Variants in TCP11 observed in about 807,000 individuals in gnomAD.
TCP11 encodes the protein t-complex 11.
TCP11 carries 34 observed loss-of-function variants against 45.0 expected under a neutral mutation model. The observed-to-expected ratio is 0.76, with a 90% CI of 0.57 to 1.01. The LOEUF is 1.01. Among genes scored for constraint, TCP11 ranks in the 50% least tolerant of loss-of-function variants. The probability of loss-of-function intolerance (pLI) is 0.00; values close to 1 mark genes in which losing one functional copy is unlikely to be tolerated. For synonymous variants in TCP11, 227 were observed against 227.0 expected, an observed-to-expected ratio of 1.00 and a Z score of 0.00; for missense variants, 523 against 598.1, an observed-to-expected ratio of 0.87 and a Z score of 1.31.
At chr6:35,123,632 GT>G (rs1306789537) in intron 4 of TCP11, among the ~76,000 whole-genome samples, 1 of 146,892 alleles carries the variant, frequency 6.8e-6, no homozygotes, top group Admixed American at 6.9e-5. Flanking sequence ...ATGTCACCAT[GT>G]CCAGCTTAGT....
At chr6:35,127,660 A>T (rs966986800) in intron 4 of TCP11, among the ~76,000 whole-genome samples, 1 of 152,238 alleles carries the variant, frequency 6.6e-6, no homozygotes, top group East Asian at 1.9e-4. Context: ...GTTAGAAGTT[A>T]AATTTTATGA....
Position 35,119,331 on chromosome 6 carries a change from G to C in TCP11, c.1176C>G (p.Leu392=), listed in dbSNP as rs1276676482. The change falls in exon 9 of 10, where the codon CTC becomes CTG. Residue 392 remains leucine (L), a synonymous_variant. Transcript: ENST00000311875. The part of the protein sequence containing the change: ...EQVSQEIHQS[L]KNMGLVALSS... ...TTAGAGCAACAAGGCCCATATTCTT[G>C]AGGCTTTGATGGATTTCCTGAGATA... The C allele has an allele frequency of 6.2e-7, 1 of 1,614,180 alleles. No homozygotes were observed.
Position 35,118,499 on chromosome 6 carries a change from G to T in TCP11, c.1282C>A (p.Gln428Lys). The stretch of plus-strand genomic sequence containing the variant: ...CATTTGAGAAACAAATGGATCCGCT[G>T]ATCTGTGAGCAGGAAAAGACACTGA... The part of the protein sequence containing the change: ...KENCVCSVID[Q>K]RIHLFLKCCL... The change falls in exon 10 of 10, where the codon CAG (glutamine) becomes AAG (lysine). Residue 428 changes from glutamine (Q) to lysine (K), a missense_variant and splice_region_variant. Around this residue, in one of 2 missense-constraint regions of TCP11, gnomAD observed 298 missense variants for 387.9 expected, o/e 0.77. Coordinates refer to ENST00000311875, the MANE Select transcript of TCP11 (RefSeq NM_001370687.1). The T allele has an allele frequency of 6.2e-7, 1 of 1,613,270 alleles. No homozygotes were observed. Among genetic ancestry groups the T allele is most frequent in the South Asian group, 1.1e-5 (1 of 90,910 alleles).
At chr6:35,127,692 TAGTC>T (rs1561998813) in intron 4 of TCP11, among the ~76,000 whole-genome samples, 1 of 152,240 alleles carries the variant, frequency 6.6e-6, no homozygotes, top group African/African-American at 2.4e-5. Flanking sequence ...GGTAACACAA[TAGTC>T]AGTGAAACTG....
chr6:35,122,390 A>G, intron 4 of TCP11, 53 bp from the exon 5 acceptor site: 8 of 1,530,886 alleles, frequency 5.2e-6, no homozygotes, highest in Non-Finnish European at 7.2e-6. Context: ...CCCAAACTTT[A>G]TCCAATGGGC....
In TCP11 at chr6:35,119,210, C is replaced by A; in HGVS notation, c.1279+18G>T. On this transcript the variant is annotated intron_variant, in intron 9 of 9. Transcript: ENST00000311875. ...ATCTCTTCCCTCACCATTCTTACTA[C>A]CCCACAAGCATACTCACCAATAACA... is the stretch of plus-strand genomic sequence containing the variant. 2 of 1,613,030 alleles carry A rather than the reference C, an allele frequency of 1.2e-6. No homozygotes were observed. Among genetic ancestry groups the A allele is most frequent in the Non-Finnish European group, 1.7e-6 (2 of 1,179,334 alleles).
Position 35,141,330 on chromosome 6 carries a change from G to C in TCP11, c.-140C>G. ...GCGTCGCACGGTGAGAAAGGCCGGGGCCTGAGAACAAACCGCCGCGGTCGC... is the reference window on the plus strand; with the variant it reads ...GCGTCGCACGGTGAGAAAGGCCGGGCCCTGAGAACAAACCGCCGCGGTCGC... On this transcript the variant is annotated 5_prime_UTR_variant, in exon 1 of 10. Coordinates refer to ENST00000311875, the MANE Select transcript of TCP11 (RefSeq NM_001370687.1). The C allele has an allele frequency of 8.2e-7, 1 of 1,215,762 alleles. No homozygotes were observed. Among genetic ancestry groups the C allele is most frequent in the African/African-American group, 1.6e-5 (1 of 62,860 alleles). The allele number at this position is 1,215,762 out of a possible 1,614,324, so 75.3% of individuals were successfully genotyped here. A position where few individuals can be genotyped will look rare whatever the true frequency, so the allele number is the denominator to read the frequency against.
intron 8 of TCP11, 70 bp from the exon 9 acceptor site, chr6:35,119,461 T>TG: frequency 6.5e-7 from 1 of 1,549,538 alleles, no homozygotes; most frequent in Non-Finnish European, 8.7e-7. Flanking sequence ...CCCAGCATGC[T>TG]GTATACCAGA....
intron 3 of TCP11, among the ~76,000 whole-genome samples, chr6:35,129,872 G>A (rs911863941): frequency 1.4e-4 from 21 of 152,184 alleles, no homozygotes; most frequent in African/African-American, 4.8e-4. Flanking sequence ...CCTCCCACGC[G>A]CAAGCAAATC....
intron 2 of TCP11, among the ~76,000 whole-genome samples, chr6:35,139,213 A>AC (rs991264027): frequency 1.5e-4 from 23 of 151,982 alleles, no homozygotes; most frequent in African/African-American, 5.1e-4. Context: ...AAAAAAAAAA[A>AC]ACCCATCAAC....
chr6:35,131,458 C>A (rs1266320206), intron 3 of TCP11, among the ~76,000 whole-genome samples: 1 of 151,514 alleles, frequency 6.6e-6, no homozygotes, highest in Non-Finnish European at 1.5e-5. Flanking sequence ...ATCCCAGCTA[C>A]TTGGGAGGCT....
At chr6:35,122,914 T>G (rs1779443621) in intron 4 of TCP11, among the ~76,000 whole-genome samples, 1 of 152,196 alleles carries the variant, frequency 6.6e-6, no homozygotes, top group Non-Finnish European at 1.5e-5. Flanking sequence ...CTGTTTACCT[T>G]CATGTTAAAC....
chr6:35,134,017 A>G (rs1486963620), intron 3 of TCP11, among the ~76,000 whole-genome samples: 2 of 152,162 alleles, frequency 1.3e-5, no homozygotes, highest in African/African-American at 4.8e-5. Flanking sequence ...AAAAATCCCA[A>G]GAGTCAAAAC....
At chr6:35,139,201 T>TA (rs11431249) in intron 2 of TCP11, among the ~76,000 whole-genome samples, 26,673 of 131,556 alleles carry the variant, frequency 0.2, 2,921 homozygotes, top group African/African-American at 0.32. Context: ...AGCTAGTTTA[T>TA]AAAAAAAAAA....
At chr6:35,128,469 A>AT (rs1200104493) in intron 4 of TCP11, 2 of 152,364 alleles carry the variant, frequency 1.3e-5, no homozygotes, top group African/African-American at 4.8e-5. Flanking sequence ...GTTATATCCC[A>AT]TCACTTTTGC....
chr6:35,140,937 T>C (rs1781694561), intron 1 of TCP11, 53 bp from the exon 2 acceptor site: 1 of 1,476,110 alleles, frequency 6.8e-7, no homozygotes, highest in Non-Finnish European at 9.0e-7. Context: ...GCCTCCCCAA[T>C]TGCCAAGGGG....
chr6:35,137,833 C>T (rs1337028872), intron 2 of TCP11: 8 of 454,962 alleles, frequency 1.8e-5, no homozygotes, highest in African/African-American at 8.0e-5. Flanking sequence ...AGATTGGCCA[C>T]GAGTTGATCA....
At chr6:35,139,884 A>G in intron 2 of TCP11, 2 of 815,690 alleles carry the variant, frequency 2.5e-6, no homozygotes, top group Non-Finnish European at 3.8e-6. Flanking sequence ...TCAACCTAAT[A>G]CACAAAATTT....
At chr6:35,119,079 G>C in intron 9 of TCP11, 149 bp downstream of exon 9, 1 of 1,010,246 alleles carries the variant, frequency 9.9e-7, no homozygotes, top group South Asian at 1.6e-5. Flanking sequence ...AACTGAGACG[G>C]ATATGATTTC....
Sources: allele counts gnomAD v4.1 joint callset (sites outside exome capture counted in the v4.1 genomes callset), GRCh38; gene constraint gnomAD v4.1.1; regional missense constraint gnomAD v4.1.1; transcripts MANE v1.5; gene names NCBI Gene and HGNC (gene_info 2026-07-23, HGNC 2026-07-21).